Variants in CPAMD8 observed in about 807,000 individuals in gnomAD.
CPAMD8 encodes the protein C3 and PZP like alpha-2-macroglobulin domain containing 8.
Under a neutral mutation model 224.7 loss-of-function variants are expected in CPAMD8, and 146 were observed. The ratio of observed to expected loss-of-function variants is 0.65; its 90% CI spans 0.57 to 0.75. CPAMD8 has a LOEUF of 0.75. Ranked by LOEUF, CPAMD8 falls within the 30% of genes least tolerant of loss-of-function variation. The pLI is 0.00. For missense variants in CPAMD8, 2,301 were observed against 2,537.5 expected (o/e 0.91, Z 2.00); for synonymous variants, 966 against 1,044.6 (o/e 0.92, Z 1.45).
Position 16,993,440 on chromosome 19 carries a change from C to T in CPAMD8, c.1242G>A (p.Thr414=), listed in dbSNP as rs201522733. The change falls in exon 12 of 42, where the codon ACG becomes ACA. Residue 414 remains threonine (T), a synonymous_variant. Coordinates refer to ENST00000443236, the MANE Select transcript of CPAMD8 (RefSeq NM_015692.5). ...CCTCCAGCCACACGTGCTGGGCTGA[C>T]GTGGGGATGGAGGGGATTTCAAACC... ...LVGFEIPSIP[T]SAQHVWLETK... is the part of the protein sequence containing the mutation. The T allele has an allele frequency of 7.8e-5, 126 of 1,613,596 alleles. No homozygotes were observed. In the East Asian group the frequency reaches 1.5e-3, roughly 20 times the overall value.
chr19:16,952,150 G>A lies in CPAMD8; in HGVS notation c.2327C>T (p.Thr776Ile). ...TLSVKVPDSI[T>I]SWVGEAVALS... ...GGCCACGGCCTCACCCACCCAGCTG[G>A]TGATGGAGTCCGGGACCTTCACACT... Residue 776 changes from threonine (T) to isoleucine (I), a missense_variant, in exon 20 of 42, where the codon ACC becomes ATC. Transcript: ENST00000443236. 1 of 1,551,576 alleles carries A rather than the reference G, an allele frequency of 6.4e-7. No homozygotes were observed. Among genetic ancestry groups the A allele is most frequent in the South Asian group, 1.2e-5 (1 of 84,086 alleles).
chr19:16,997,075 C>G (rs2056149936), intron 11 of CPAMD8, 36 bp downstream of exon 11: 2 of 1,385,692 alleles, frequency 1.4e-6, no homozygotes, highest in Non-Finnish European at 2.1e-6. Flanking sequence ...CACGGTGGTC[C>G]TTGGGCGGGA....
chr19:16,914,619 G>A, intron 28 of CPAMD8, 38 bp downstream of exon 28: 1 of 1,613,522 alleles, frequency 6.2e-7, no homozygotes, highest in Non-Finnish European at 8.5e-7. Context: ...CTGGGAGGAG[G>A]TGAGGGGCCC....
chr19:16,923,948 C>T (rs151295005), intron 26 of CPAMD8, among the ~76,000 whole-genome samples: 4 of 151,714 alleles, frequency 2.6e-5, no homozygotes, highest in East Asian at 1.9e-4. Flanking sequence ...AGAGCGAGAC[C>T]CTAGCTCTTA....
chr19:16,926,052 C>T (rs976967662), intron 25 of CPAMD8, among the ~76,000 whole-genome samples: 1 of 152,156 alleles, frequency 6.6e-6, no homozygotes, highest in Non-Finnish European at 1.5e-5. Flanking sequence ...TGATCCACTG[C>T]ACCTGGTCCT....
At chr19:17,020,199 C>G in intron 3 of CPAMD8, 132 bp downstream of exon 3, 1 of 706,246 alleles carries the variant, frequency 1.4e-6, no homozygotes. Context: ...ATCTCGAACT[C>G]CTGACCTCAG....
chr19:16,982,681 T>TA (rs1205453917), intron 13 of CPAMD8, among the ~76,000 whole-genome samples: 12 of 150,976 alleles, frequency 7.9e-5, no homozygotes, highest in Admixed American at 5.3e-4. Context: ...CAAAAAATAA[T>TA]AAAAAAAATA....
intron 29 of CPAMD8, 127 bp downstream of exon 29, chr19:16,914,297 A>G (rs902948428): frequency 6.0e-5 from 43 of 711,094 alleles, no homozygotes; most frequent in Non-Finnish European, 1.0e-4. Context: ...AAAAGCATGA[A>G]AAAGCCTCGA....
Position 16,903,730 on chromosome 19 carries a change from G to C in CPAMD8, c.4379C>G (p.Thr1460Ser). 1 of 1,614,218 alleles carries C rather than the reference G, an allele frequency of 6.2e-7. No homozygotes were observed. Among genetic ancestry groups the C allele is most frequent in the South Asian group, 1.1e-5 (1 of 91,086 alleles). The change falls in exon 33 of 42, where the codon ACC (threonine) becomes AGC (serine). Residue 1460 changes from threonine (T) to serine (S), a missense_variant. Around this residue, in one of 4 missense-constraint regions of CPAMD8, gnomAD observed 1,709 missense variants for 1,753.2 expected, o/e 0.97. Coordinates refer to ENST00000443236, the MANE Select transcript of CPAMD8 (RefSeq NM_015692.5). The stretch of plus-strand genomic sequence containing the variant: ...TGCTGTCTGCAGAACCTTCTGGTTG[G>C]TCCTGTGCAGCTCGAAGGTTTCCTG... Reference protein sequence around the residue: ...DYQETFELHRTNQKVLQTAAI... With the variant: ...DYQETFELHRSNQKVLQTAAI...
At chr19:16,942,393 T>C (rs1421431568) in intron 22 of CPAMD8, among the ~76,000 whole-genome samples, 2 of 151,890 alleles carry the variant, frequency 1.3e-5, no homozygotes, top group Non-Finnish European at 2.9e-5. Context: ...ACCTGGGAGG[T>C]GGAGGTTGCA....
chr19:16,995,224 T>C (rs957005263), intron 11 of CPAMD8, among the ~76,000 whole-genome samples: 2 of 151,948 alleles, frequency 1.3e-5, no homozygotes, highest in African/African-American at 4.8e-5. Flanking sequence ...CAGAACTCAG[T>C]GTTAGGACAG....
chr19:16,975,879 G>C, intron 16 of CPAMD8, 123 bp downstream of exon 16: 1 of 1,074,636 alleles, frequency 9.3e-7, no homozygotes, highest in Non-Finnish European at 1.3e-6. Context: ...GAACCCGACG[G>C]AGAAAGCGAA....
At chr19:16,895,889 G>T (rs2981473) in intron 41 of CPAMD8, 148,021 of 539,338 alleles carry the variant, frequency 0.27, 22,904 homozygotes, top group Non-Finnish European at 0.32. Context: ...CCGTATGCGC[G>T]CGCGCGCGCG....
intron 18 of CPAMD8, among the ~76,000 whole-genome samples, chr19:16,962,017 C>T (rs1346834093): frequency 6.6e-6 from 1 of 152,122 alleles, no homozygotes; most frequent in Non-Finnish European, 1.5e-5. Context: ...GACATCTACA[C>T]CAAAGCCCCA....
At chr19:17,012,893 C>T (rs2056699747) in intron 3 of CPAMD8, among the ~76,000 whole-genome samples, 1 of 152,216 alleles carries the variant, frequency 6.6e-6, no homozygotes, top group South Asian at 2.1e-4. Context: ...TCTAAAATCG[C>T]AGCACAGGCT....
chr19:16,956,080 C>T (rs530880714), intron 19 of CPAMD8, among the ~76,000 whole-genome samples: 1 of 152,214 alleles, frequency 6.6e-6, no homozygotes, highest in Admixed American at 6.5e-5. Flanking sequence ...CATCCTTGCT[C>T]CAGCCAACAA....
intron 13 of CPAMD8, among the ~76,000 whole-genome samples, chr19:16,987,185 T>TATATATATATATAC (rs1407544737): frequency 4.7e-5 from 3 of 63,982 alleles, no homozygotes; most frequent in Non-Finnish European, 3.0e-5. Flanking sequence ...AAAAAATATA[T>TATATATATATATAC]ATATATATAT....
chr19:16,906,407 T>TTTCC (rs553500267), intron 30 of CPAMD8, among the ~76,000 whole-genome samples: 889 of 69,784 alleles, frequency 0.013, 42 homozygotes, highest in Middle Eastern at 0.024. Flanking sequence ...TCTTTCTTTC[T>TTTCC]TTCCTTCCTT....
intron 18 of CPAMD8, among the ~76,000 whole-genome samples, chr19:16,965,911 T>C (rs2054811573): frequency 6.6e-6 from 1 of 152,134 alleles, no homozygotes; most frequent in African/African-American, 2.4e-5. Flanking sequence ...AAAATGGCCA[T>C]ACTGCCCAAG....
Sources: allele counts gnomAD v4.1 joint callset (sites outside exome capture counted in the v4.1 genomes callset), GRCh38; gene constraint gnomAD v4.1.1; regional missense constraint gnomAD v4.1.1; transcripts MANE v1.5; gene names NCBI Gene and HGNC (gene_info 2026-07-23, HGNC 2026-07-21).